Variants in DNAH17 observed in about 807,000 individuals in gnomAD.
The protein encoded by DNAH17 is axonemal beta dynein heavy chain 17.
Under a neutral mutation model 485.6 loss-of-function variants are expected in DNAH17, and 376 were observed. The observed-to-expected ratio is 0.77, with a 90% confidence interval of 0.71 to 0.84. DNAH17 has a LOEUF of 0.84. DNAH17 is among the 40% of genes least tolerant of loss of function. DNAH17 has a pLI of 0.00. For synonymous variants in DNAH17, 3,031 were observed against 2,405.9 expected (o/e 1.26, Z -7.60); for missense variants, 6,370 against 5,839.3 (o/e 1.09, Z -2.96).
At position 78,429,190 on chromosome 17, in the gene DNAH17, C is replaced by A; in HGVS notation, c.12336G>T (p.Arg4112=). 1 of 1,613,852 alleles carries A rather than the reference C, an allele frequency of 6.2e-7. No homozygotes were observed. Among genetic ancestry groups the A allele is most frequent in the Non-Finnish European group, 8.5e-7 (1 of 1,179,898 alleles). ...LCRTYLAEYI[R]TEMLEGDVLL... is the part of the protein sequence containing the mutation. ...GGACGTCTCCCTCCAGCATCTCCGT[C>A]CGGATGTATTCAGCCAGGTAGGTCC... The change falls in exon 76 of 81, where the codon CGG becomes CGT. Residue 4112 remains arginine (R), a synonymous_variant. Transcript: ENST00000389840.
At chr17:78,509,730 G>C (rs907197329) in intron 27 of DNAH17, among the ~76,000 whole-genome samples, 1 of 152,030 alleles carries the variant, frequency 6.6e-6, no homozygotes, top group African/African-American at 2.4e-5. Context: ...TGCGGAGTCA[G>C]AAGAAACAAC....
At chr17:78,545,820 G>A (rs2091745489) in intron 16 of DNAH17, among the ~76,000 whole-genome samples, 1 of 151,998 alleles carries the variant, frequency 6.6e-6, no homozygotes, top group South Asian at 2.1e-4. Context: ...CAACATTTTA[G>A]GACAACTATA....
rs752704080 is a variant in DNAH17 at position 78,453,457 on chromosome 17, T to C, written c.10415A>G (p.Asp3472Gly). The C allele has an allele frequency of 1.3e-5, 21 of 1,613,738 alleles. No individual in the cohort carries two copies. Among genetic ancestry groups the C allele is most frequent in the South Asian group, 3.3e-5 (3 of 91,082 alleles). Residue 3472 changes from aspartate to glycine, a missense_variant, in exon 65 of 81, where the codon GAT becomes GGT. Physicochemically the swap from Asp to Gly is moderately conservative, Grantham distance 94 (BLOSUM62 -1). Coordinates refer to ENST00000389840, the MANE Select transcript of DNAH17 (RefSeq NM_173628.4). ...AIRLGQKSYL[D>G]VIEQAISEGD... ...TTCCGAGATGGCCTGCTCGATGACA[T>C]CCAGGTAGCTGCGGGCACAACACGG...
chr17:78,557,076 T>A (rs2092040128), intron 14 of DNAH17, among the ~76,000 whole-genome samples: 1 of 152,112 alleles, frequency 6.6e-6, no homozygotes, highest in South Asian at 2.1e-4. Context: ...ACCTCTTGAT[T>A]ACTGCGTCAG....
chr17:78,498,976 G>A lies in DNAH17; in HGVS notation c.5745+32C>T, dbSNP rs535573332. ...AAAGCTGACGAGCCAGTCACCCGAC[G>A]TGACCCCGAGGCCGCAGGCAGGGGA... On this transcript the variant is annotated intron_variant, in intron 37 of 80. Transcript: ENST00000389840. 1.3e-4 allele frequency: 194 copies of A among 1,548,798 alleles called. 2 individuals carry two copies. In the South Asian group the frequency reaches 2.1e-3, roughly 17 times the overall value.
intron 2 of DNAH17, among the ~76,000 whole-genome samples, chr17:78,573,859 A>G (rs9894998): frequency 0.86 from 130,079 of 152,092 alleles, 56,044 homozygotes; most frequent in African/African-American, 0.96. Context: ...AGGCCCCTGT[A>G]CTGCAGATGA....
Position 78,432,908 on chromosome 17 carries a change from C to T in DNAH17, c.12225+1121G>A, listed in dbSNP as rs981025379. ...CAGAGCAGGCTTCAAACGTGCCCCCCCCCCCCGACCCCGGTGCCAGCACCG... is the reference window on the plus strand; with the variant it reads ...CAGAGCAGGCTTCAAACGTGCCCCCTCCCCCCGACCCCGGTGCCAGCACCG... On this transcript the variant is annotated intron_variant, in intron 75 of 80. Coordinates refer to ENST00000389840, the MANE Select transcript of DNAH17 (RefSeq NM_173628.4). Among the ~76,000 whole-genome samples the T allele has an allele frequency of 1.6e-5, 2 of 121,660 alleles. 1 individual carries two copies. Among genetic ancestry groups the T allele is most frequent in the Non-Finnish European group, 3.6e-5 (2 of 56,242 alleles). 79.8% of individuals were successfully genotyped at this position (121,660 alleles called of 152,430 possible). A position where few individuals can be genotyped will look rare whatever the true frequency, so the allele number is the denominator to read the frequency against.
chr17:78,548,254 G>A (rs1397599405), intron 16 of DNAH17, among the ~76,000 whole-genome samples: 1 of 129,442 alleles, frequency 7.7e-6, no homozygotes, highest in Non-Finnish European at 1.6e-5. Context: ...ACCCAGGCTG[G>A]AGTGCAGTGG....
chr17:78,478,127 C>G (rs541230968), intron 51 of DNAH17, among the ~76,000 whole-genome samples: 3 of 150,380 alleles, frequency 2.0e-5, no homozygotes, highest in South Asian at 2.1e-4. Flanking sequence ...ATCACCACCA[C>G]GTGGCATCAT....
rs750207618 is a variant in DNAH17, at chr17:78,571,661, G to A, written c.661C>T (p.His221Tyr). 2.5e-6 allele frequency: 4 copies of A among 1,614,008 alleles called. No homozygotes were observed. The highest frequency in any genetic ancestry group is 1.6e-4 in the Middle Eastern group (1 of 6,062). The stretch of plus-strand genomic sequence containing the variant: ...TCGAACTCCACTTGGGGCAGGGGGT[G>A]CAGCCCATCCAGCAGCGCCTGGGCT... ...DSAQALLDGL[H>Y]PLPQVEFEFW... is the part of the protein sequence containing the mutation. Residue 221 changes from histidine to tyrosine, a missense_variant, in exon 4 of 81, where the codon CAC (histidine) becomes TAC (tyrosine). Physicochemically the swap from His to Tyr is moderately conservative, Grantham distance 83. Coordinates refer to ENST00000389840, the MANE Select transcript of DNAH17 (RefSeq NM_173628.4).
rs571727425 is a variant in DNAH17, at chr17:78,467,597, C to T, written c.8779-781G>A. On this transcript the variant is annotated intron_variant, in intron 55 of 80. Transcript: ENST00000389840. The stretch of plus-strand genomic sequence containing the variant: ...TCTGTTTGAGTCAAGCAGGGGAAAA[C>T]GATGGCCGGCAGGTGTCCAGGAGAG... 3.4e-3 allele frequency among the ~76,000 whole-genome samples: 517 copies of T among 152,228 alleles called. 8 individuals are homozygous for T. In the South Asian group the frequency reaches 0.034, roughly 10 times the overall value.
rs1343998016 is a variant in DNAH17 at position 78,495,108 on chromosome 17, C to G, written c.5904-11G>C. On this transcript the variant is annotated splice_polypyrimidine_tract_variant and intron_variant, in intron 38 of 80. Coordinates refer to ENST00000389840, the MANE Select transcript of DNAH17 (RefSeq NM_173628.4). ...ACCATGGCACAGGGCCTGGGGAGGT[C>G]AGCGGTGCCTGTGGGCTTCTGCCCA... 4 of 1,594,870 alleles carry G rather than the reference C, an allele frequency of 2.5e-6. No individual in the cohort carries two copies. The highest frequency in any genetic ancestry group is 1.7e-6 in the Non-Finnish European group (2 of 1,169,930).
chr17:78,482,682 G>A (rs1411906324), intron 48 of DNAH17, among the ~76,000 whole-genome samples: 6 of 152,024 alleles, frequency 3.9e-5, no homozygotes, highest in Non-Finnish European at 7.4e-5. Context: ...TCCTTCCCAC[G>A]GGCCCCACCC....
rs558487394 is a variant in DNAH17, at chr17:78,438,122, T to C, written c.11806-254A>G. ...TTCAATGAATTGCAAACCTCCAGCC[T>C]TACGGTGAGTCCTTTGTGTCCTCCC... is the stretch of plus-strand genomic sequence containing the variant. On this transcript the variant is annotated intron_variant, in intron 73 of 80. Transcript: ENST00000389840. Among the ~76,000 whole-genome samples the C allele has an allele frequency of 2.5e-3, 379 of 152,034 alleles. 4 individuals are homozygous for C. Among genetic ancestry groups the C allele is most frequent in the Admixed American group, 0.023 (352 of 15,284 alleles).
chr17:78,558,272 A>C lies in DNAH17; in HGVS notation c.2032-18T>G. On this transcript the variant is annotated intron_variant, in intron 13 of 80. Coordinates refer to ENST00000389840, the MANE Select transcript of DNAH17 (RefSeq NM_173628.4). ...GCCACCAACTAAATGACAAACGAAG[A>C]TCAAAGAACATGTCAGCAGGTCAGG... 1 of 1,612,078 alleles carries C rather than the reference A, an allele frequency of 6.2e-7. No individual in the cohort carries two copies. The highest frequency in any genetic ancestry group is 8.5e-7 in the Non-Finnish European group (1 of 1,178,996).
intron 69 of DNAH17, among the ~76,000 whole-genome samples, chr17:78,447,751 G>A (rs933887697): frequency 3.4e-5 from 5 of 147,796 alleles, no homozygotes; most frequent in African/African-American, 1.3e-4. Flanking sequence ...TTCATAATAT[G>A]GACCCCATTG....
rs763913359 is a variant in DNAH17, at chr17:78,490,740, G to T, written c.6777C>A (p.Ala2259=). Residue 2259 remains alanine, a synonymous_variant, in exon 44 of 81, where the codon GCC becomes GCA. Coordinates refer to ENST00000389840, the MANE Select transcript of DNAH17 (RefSeq NM_173628.4). ...CGGCTGGGTTGATGTAGAGGATGCC[G>T]GCTCTGGAAACGGTGGCTGGGGTGG... ...RTATPATVSR[A]GILYINPADL... The T allele has an allele frequency of 1.2e-6, 2 of 1,607,352 alleles. No individual in the cohort carries two copies. Among genetic ancestry groups the T allele is most frequent in the Admixed American group, 3.4e-5 (2 of 59,066 alleles).
At chr17:78,434,331 G>A in intron 74 of DNAH17, 111 bp from the exon 75 acceptor site, 1 of 1,018,154 alleles carries the variant, frequency 9.8e-7, no homozygotes, top group South Asian at 1.6e-5. Context: ...CTAGGGTGGG[G>A]GCGGTGGGGG....
At chr17:78,476,328 C>T (rs1029606939) in intron 52 of DNAH17, among the ~76,000 whole-genome samples, 11 of 91,830 alleles carry the variant, frequency 1.2e-4, no homozygotes, top group African/African-American at 5.5e-4. Context: ...AACCCTCGGA[C>T]CCACAGCCAC....
Sources: gnomAD v4.1 joint callset for allele counts (sites outside exome capture counted in the v4.1 genomes callset) on GRCh38, gnomAD v4.1.1 for gene constraint, MANE v1.5 for transcripts, NCBI Gene and HGNC (gene_info 2026-07-23, HGNC 2026-07-21) for gene names.